MORC4: variants seen among roughly 807,000 people sequenced by gnomAD.
MORC4 encodes MORC family CW-type zinc finger 4, also known as MORC family CW-type zinc finger protein 4.
MORC4 carries 22 observed loss-of-function variants against 65.5 expected under a neutral mutation model. The observed-to-expected ratio is 0.34, with a 90% CI of 0.24 to 0.48. The LOEUF (loss-of-function observed/expected upper bound fraction) is 0.48, where lower values mean the gene tolerates loss of function less well. Among genes scored for constraint, MORC4 ranks in the 20% least tolerant of loss-of-function variants. MORC4 has a pLI of 0.99. For missense variants in MORC4, 624 were observed against 703.0 expected (o/e 0.89, Z 1.27); for synonymous variants, 267 against 255.8 (o/e 1.04, Z -0.42).
rs1171374327 is a variant in MORC4, at chrX:106,948,862, A to C, written c.1686-5657T>G. Among the ~76,000 whole-genome samples, 3 of 111,093 alleles carry C rather than the reference A, an allele frequency of 2.7e-5. No homozygotes were observed. The Admixed American group carries it at 2.9e-4, about 11-fold the overall frequency. ...CATTTTCTCTTTGCTTTTGGCTTTC[A>C]ATATTTGCACTATGATGTGTCTGGC... is the stretch of plus-strand genomic sequence containing the variant. On this transcript the variant is annotated intron_variant, in intron 14 of 16. Transcript: ENST00000355610.
chrX:106,943,760 A>T (rs781369690), intron 14 of MORC4, among the ~76,000 whole-genome samples: 2 of 112,669 alleles, frequency 1.8e-5, no homozygotes, highest in Non-Finnish European at 3.8e-5. Flanking sequence ...TCACTTGTAA[A>T]AGTTAATTGA....
chrX:106,992,893 G>T (rs1409313669), intron 3 of MORC4, among the ~76,000 whole-genome samples: 6 of 112,139 alleles, frequency 5.4e-5, no homozygotes, highest in Admixed American at 4.7e-4. Flanking sequence ...CTCACCCTTA[G>T]ATCTCAGCTT....
intron 9 of MORC4, among the ~76,000 whole-genome samples, chrX:106,975,329 T>C (rs775679430): frequency 1.8e-5 from 2 of 111,465 alleles, no homozygotes; most frequent in East Asian, 5.6e-4. Flanking sequence ...TAGAGTTAAG[T>C]CCTGGTCAAA....
rs1327984355 is a variant in MORC4 at position 106,980,971 on chromosome X, G to A, written c.856C>T (p.Arg286Cys). Reference sequence around the variant, plus strand: ...ATCTGGGTAGTCACCTTCTTTTGACGCAGAAAAATTTTCATGCGTGGCTTC... The same window carrying A: ...ATCTGGGTAGTCACCTTCTTTTGACACAGAAAAATTTTCATGCGTGGCTTC... ...YMKPRMKIFLRQKKVTTQMIA... is the reference protein window; with the variant it reads ...YMKPRMKIFLCQKKVTTQMIA... The change falls in exon 7 of 17, where the codon CGT (arginine) becomes TGT (cysteine). Residue 286 changes from arginine (R) to cysteine (C), a missense_variant. By Grantham distance (180) the Arg-to-Cys change is radical (BLOSUM62 -3). Transcript: ENST00000355610. The A allele has an allele frequency of 5.0e-6, 6 of 1,206,500 alleles. No individual in the cohort carries two copies. The highest frequency in any genetic ancestry group is 6.7e-6 in the Non-Finnish European group (6 of 892,581).
chrX:106,969,667 T>C (rs1382707651), intron 9 of MORC4, among the ~76,000 whole-genome samples: 1 of 111,726 alleles, frequency 9.0e-6, no homozygotes, highest in Non-Finnish European at 1.9e-5. Flanking sequence ...CCCACAGAAA[T>C]ACAAACTACC....
intron 2 of MORC4, 80 bp from the exon 3 acceptor site, chrX:106,993,442 C>T (rs962271136): frequency 1.0e-6 from 1 of 1,002,674 alleles, no homozygotes; most frequent in Non-Finnish European, 1.4e-6. Flanking sequence ...GACGCCAAGA[C>T]ATAAGAAATG....
At chrX:106,944,090 T>A (rs1036779766) in intron 14 of MORC4, among the ~76,000 whole-genome samples, 3 of 112,371 alleles carry the variant, frequency 2.7e-5, no homozygotes, top group Non-Finnish European at 1.9e-5. Context: ...TAAAATCAAC[T>A]TTCAAATTTT....
chrX:106,948,127 A>G (rs1933893655), intron 14 of MORC4, among the ~76,000 whole-genome samples: 1 of 111,724 alleles, frequency 9.0e-6, no homozygotes, highest in South Asian at 3.7e-4. Flanking sequence ...CACGAATCTA[A>G]TAATACATTG....
At chrX:106,949,735 T>C (rs1449246340) in intron 14 of MORC4, among the ~76,000 whole-genome samples, 1 of 112,576 alleles carries the variant, frequency 8.9e-6, no homozygotes, top group Non-Finnish European at 1.9e-5. Context: ...TTAAGTCCCT[T>C]CAGCTGGTTA....
intron 14 of MORC4, among the ~76,000 whole-genome samples, chrX:106,945,305 G>A (rs917103420): frequency 1.2e-4 from 13 of 110,716 alleles, no homozygotes; most frequent in Non-Finnish European, 1.9e-4. Context: ...CCTTTTGACT[G>A]GAGTGCCCTT....
rs35077497 is a variant in MORC4, at chrX:106,945,414, TTGTGTGTGTGTG to T, written c.1686-2221_1686-2210del. On this transcript the variant is annotated intron_variant, in intron 14 of 16. Coordinates refer to ENST00000355610, the MANE Select transcript of MORC4 (RefSeq NM_024657.5). ...TTATTAAAATGCATCACTTACTACTTTGTGTGTGTGTGTGTGTGTGTGTGTGTGTGTGTGTGT... is the reference window on the plus strand; with the variant it reads ...TTATTAAAATGCATCACTTACTACTTTGTGTGTGTGTGTGTGTGTGTGTGT... 5.0e-4 allele frequency among the ~76,000 whole-genome samples: 42 copies of T among 83,258 alleles called. No homozygotes were observed. In the South Asian group the frequency reaches 7.8e-3, roughly 16 times the overall value. The allele number at this position is 83,258 out of a possible 115,157, so 72.3% of individuals were successfully genotyped here. A position where few individuals can be genotyped will look rare whatever the true frequency, so the allele number is the denominator to read the frequency against.
intron 2 of MORC4, among the ~76,000 whole-genome samples, chrX:106,998,059 G>A (rs908054078): frequency 1.8e-5 from 2 of 112,477 alleles, no homozygotes; most frequent in Non-Finnish European, 3.7e-5. Flanking sequence ...GCCTACCACA[G>A]TGGCCTTGCG....
intron 9 of MORC4, 143 bp downstream of exon 9, chrX:106,976,441 T>G: frequency 2.5e-6 from 1 of 396,956 alleles, no homozygotes; most frequent in Non-Finnish European, 4.5e-6. Flanking sequence ...GAAAGCATTT[T>G]ATCTCTAATC....
intron 2 of MORC4, among the ~76,000 whole-genome samples, chrX:106,994,810 G>C (rs970463860): frequency 9.1e-6 from 1 of 110,095 alleles, no homozygotes; most frequent in African/African-American, 3.3e-5. Flanking sequence ...AAGGCCCTAA[G>C]GGAAAGTTTA....
chrX:106,962,822 C>T (rs923663511), intron 9 of MORC4, among the ~76,000 whole-genome samples: 1 of 112,011 alleles, frequency 8.9e-6, no homozygotes, highest in East Asian at 2.8e-4. Context: ...TTCCAACTTT[C>T]GAATTACTAA....
Position 106,962,036 on chromosome X carries a change from G to A in MORC4, c.1232C>T (p.Thr411Ile), listed in dbSNP as rs1569299970. 2 of 1,204,406 alleles carry A rather than the reference G, an allele frequency of 1.7e-6. No individual in the cohort carries two copies. Among genetic ancestry groups the A allele is most frequent in the African/African-American group, 3.5e-5 (2 of 57,119 alleles). Residue 411 changes from threonine to isoleucine, a missense_variant, in exon 10 of 17, where the codon ACC becomes ATC. Transcript: ENST00000355610. ...KEKTSQDNFE[T>I]STVARPIPKV... ...CGGTATTGGCCTGGCTACAGTTGAG[G>A]TCTCAAAATTATCTTGAGATGTTTT... is the stretch of plus-strand genomic sequence containing the variant.
chrX:106,989,914 G>A (rs967429103), intron 3 of MORC4, among the ~76,000 whole-genome samples: 4 of 95,184 alleles, frequency 4.2e-5, no homozygotes, highest in East Asian at 3.5e-4. Context: ...CGGGCCAGGC[G>A]TGGTGGCTCA....
In MORC4 at chrX:106,993,763, G is replaced by A. The variant is rs567915121; in HGVS notation, c.176-401C>T. Among the ~76,000 whole-genome samples the A allele has an allele frequency of 2.0e-4, 22 of 112,445 alleles. 1 individual carries two copies. Among genetic ancestry groups the A allele is most frequent in the African/African-American group, 6.1e-4 (19 of 31,018 alleles). ...AGAGTGGCTATGGAGAAAAGCTGAA[G>A]GAGCAACTTTGGTAAAAGATGATGC... On this transcript the variant is annotated intron_variant, in intron 2 of 16. Transcript: ENST00000355610.
At chrX:106,982,869 A>G (rs1176346149) in intron 5 of MORC4, among the ~76,000 whole-genome samples, 4 of 112,420 alleles carry the variant, frequency 3.6e-5, no homozygotes, top group Non-Finnish European at 5.6e-5. Flanking sequence ...GGACTCTCAG[A>G]AGTCCTACAA....
Sources: gnomAD v4.1 joint callset for allele counts (sites outside exome capture counted in the v4.1 genomes callset) on GRCh38, gnomAD v4.1.1 for gene constraint, MANE v1.5 for transcripts, NCBI Gene and HGNC (gene_info 2026-07-23, HGNC 2026-07-21) for gene names.